The following SLC44A1 variants were observed in gnomAD, a reference collection of about 807,000 sequenced individuals.
The protein encoded by SLC44A1 is solute carrier family 44 member 1.
SLC44A1 carries 26 observed loss-of-function variants against 79.3 expected under a neutral mutation model. The ratio of observed to expected loss-of-function variants is 0.33; its 90% CI spans 0.24 to 0.46. The LOEUF (loss-of-function observed/expected upper bound fraction) is 0.46, where lower values mean the gene tolerates loss of function less well. SLC44A1 is among the 20% of genes least tolerant of loss of function. The pLI, the probability that SLC44A1 is intolerant of heterozygous loss-of-function variation, is 1.00. For synonymous variants in SLC44A1, 263 were observed against 286.2 expected (o/e 0.92, Z 0.82); for missense variants, 688 against 798.1 (o/e 0.86, Z 1.66).
At chr9:105,272,295 T>A (rs758561331) in intron 1 of SLC44A1, among the ~76,000 whole-genome samples, 5 of 152,228 alleles carry the variant, frequency 3.3e-5, no homozygotes, top group Non-Finnish European at 5.9e-5. Context: ...CTTTTCCTTT[T>A]TGTAATATGT....
At chr9:105,288,790 G>T (rs1243971903) in intron 1 of SLC44A1, among the ~76,000 whole-genome samples, 1 of 152,198 alleles carries the variant, frequency 6.6e-6, no homozygotes, top group Non-Finnish European at 1.5e-5. Flanking sequence ...AGTGAGAGTA[G>T]TATCCTAACT....
intron 1 of SLC44A1, among the ~76,000 whole-genome samples, chr9:105,246,605 CT>C (rs1260045473): frequency 6.6e-6 from 1 of 152,036 alleles, no homozygotes; most frequent in Non-Finnish European, 1.5e-5. Flanking sequence ...TTGTGGGGGT[CT>C]AGTTGGGTGC....
chr9:105,430,423 A>G (rs191399770), intron 15 of SLC44A1, among the ~76,000 whole-genome samples: 4 of 152,318 alleles, frequency 2.6e-5, no homozygotes, highest in Admixed American at 2.6e-4. Flanking sequence ...GCCTTTTAGC[A>G]TTCAGTGCCT....
chr9:105,428,486 G>A (rs1168646488), intron 15 of SLC44A1, among the ~76,000 whole-genome samples: 1 of 152,166 alleles, frequency 6.6e-6, no homozygotes, highest in Non-Finnish European at 1.5e-5. Context: ...AACCACATCT[G>A]GGTTCAGATC....
rs1828892113 is a variant in SLC44A1, at chr9:105,397,134, C to A, written c.*8078C>A. 4 of 985,248 alleles carry A rather than the reference C, an allele frequency of 4.1e-6. No homozygotes were observed. In the South Asian group the frequency reaches 1.9e-4, roughly 46 times the overall value. 61.0% of individuals were successfully genotyped at this position (985,248 alleles called of 1,614,324 possible). On this transcript the variant is annotated 3_prime_UTR_variant, in exon 16 of 16. Transcript: ENST00000374720. ...CAAGAGCTCTGAATTGGATGGAATTCCATCTGGCTTCAGAGAACAATCAGC... is the reference window on the plus strand; with the variant it reads ...CAAGAGCTCTGAATTGGATGGAATTACATCTGGCTTCAGAGAACAATCAGC...
At chr9:105,265,176 A>G (rs1395042919) in intron 1 of SLC44A1, among the ~76,000 whole-genome samples, 1 of 152,066 alleles carries the variant, frequency 6.6e-6, no homozygotes, top group Non-Finnish European at 1.5e-5. Context: ...ATACGGTACA[A>G]TTCACTTTTT....
At chr9:105,362,768 G>A (rs1459810707) in intron 8 of SLC44A1, 53 bp from the exon 9 acceptor site, 6 of 1,363,050 alleles carry the variant, frequency 4.4e-6, no homozygotes, top group African/African-American at 3.0e-5. Flanking sequence ...TACTATTTTC[G>A]GTTTCTGTTT....
At chr9:105,277,844 C>G (rs117766832) in intron 1 of SLC44A1, among the ~76,000 whole-genome samples, 4 of 152,132 alleles carry the variant, frequency 2.6e-5, no homozygotes, top group African/African-American at 9.7e-5. Flanking sequence ...AAAACAAGAG[C>G]CAGCACAGTC....
chr9:105,276,565 C>CGTGTGTGTGTGTGTGTGTGTGTGTGT (rs60259632), intron 1 of SLC44A1, among the ~76,000 whole-genome samples: 4 of 118,994 alleles, frequency 3.4e-5, no homozygotes, highest in South Asian at 3.4e-4. Flanking sequence ...GATGGGGAGC[C>CGTGTGTGTGTGTGTGTGTGTGTGTGT]GTGTGTGTGT....
intron 15 of SLC44A1, among the ~76,000 whole-genome samples, chr9:105,421,806 C>A (rs1829254365): frequency 6.6e-6 from 1 of 152,070 alleles, no homozygotes; most frequent in African/African-American, 2.4e-5. Flanking sequence ...CCAGGATAGT[C>A]TCAATCTCCT....
chr9:105,324,243 G>A (rs551463697), intron 3 of SLC44A1, among the ~76,000 whole-genome samples: 3 of 148,930 alleles, frequency 2.0e-5, no homozygotes, highest in Admixed American at 1.3e-4. Flanking sequence ...GATTCACCGT[G>A]CCCGGAATTT....
At chr9:105,267,769 GTTATTA>G (rs1184308993) in intron 1 of SLC44A1, among the ~76,000 whole-genome samples, 3 of 151,994 alleles carry the variant, frequency 2.0e-5, no homozygotes, top group Non-Finnish European at 4.4e-5. Context: ...TAGCTATCTA[GTTATTA>G]TTAATATTTA....
rs368487668 is a variant in SLC44A1 at position 105,383,353 on chromosome 9, G to T, written c.1863G>T (p.Val621=). 1.9e-6 allele frequency: 3 copies of T among 1,565,088 alleles called. No individual in the cohort carries two copies. Among genetic ancestry groups the T allele is most frequent in the Non-Finnish European group, 2.6e-6 (3 of 1,135,236 alleles). ...GCAGAGAATTCTATATGGATAAAGT[G>T]CTGATGGTAAGTACTTCAAATGCCG... ...SPGREFYMDK[V]LMEFVENSRK... Residue 621 remains valine (V), a synonymous_variant, in exon 14 of 16, where the codon GTG becomes GTT. Coordinates refer to ENST00000374720, the MANE Select transcript of SLC44A1 (RefSeq NM_080546.5).
intron 1 of SLC44A1, among the ~76,000 whole-genome samples, chr9:105,255,669 T>C (rs1039639177): frequency 6.6e-6 from 1 of 152,210 alleles, no homozygotes; most frequent in Non-Finnish European, 1.5e-5. Flanking sequence ...TCACTATTTC[T>C]TCTCTAAACA....
chr9:105,362,038 G>A (rs1191506711), intron 8 of SLC44A1, among the ~76,000 whole-genome samples: 1 of 151,928 alleles, frequency 6.6e-6, no homozygotes, highest in Non-Finnish European at 1.5e-5. Flanking sequence ...AAATATATAT[G>A]TGTGTTTGTG....
At chr9:105,274,351 G>C (rs1830151816) in intron 1 of SLC44A1, among the ~76,000 whole-genome samples, 1 of 152,194 alleles carries the variant, frequency 6.6e-6, no homozygotes, top group Non-Finnish European at 1.5e-5. Flanking sequence ...ACTCGTGGAG[G>C]TGTATTGGCC....
chr9:105,355,601 T>C (rs1344361886), intron 5 of SLC44A1, among the ~76,000 whole-genome samples: 1 of 152,226 alleles, frequency 6.6e-6, no homozygotes, highest in Non-Finnish European at 1.5e-5. Context: ...TTAGTACTCA[T>C]GGTTACTGTT....
At chr9:105,351,696 T>C (rs376999433) in intron 5 of SLC44A1, among the ~76,000 whole-genome samples, 53 of 120,596 alleles carry the variant, frequency 4.4e-4, no homozygotes, top group African/African-American at 1.4e-3. Context: ...AAATGTTATC[T>C]GTTCATATTT....
intron 2 of SLC44A1, among the ~76,000 whole-genome samples, chr9:105,304,504 A>G (rs1279557073): frequency 2.0e-5 from 3 of 152,144 alleles, no homozygotes. Flanking sequence ...ATTTGTTTTT[A>G]ATCTGCTTTT....
Sources: gnomAD v4.1 joint callset for allele counts (sites outside exome capture counted in the v4.1 genomes callset) on GRCh38, gnomAD v4.1.1 for gene constraint, MANE v1.5 for transcripts, NCBI Gene and HGNC (gene_info 2026-07-23, HGNC 2026-07-21) for gene names.